DENND1B: variants seen among roughly 807,000 people sequenced by gnomAD.
DENND1B encodes the protein DENN domain containing 1B.
In DENND1B, 59 loss-of-function variants were observed where a neutral mutation model predicts 90.1. The observed-to-expected ratio is 0.65, with a 90% CI of 0.53 to 0.81. The LOEUF (loss-of-function observed/expected upper bound fraction) is 0.81, where lower values mean the gene tolerates loss of function less well. Among genes scored for constraint, DENND1B ranks in the 40% least tolerant of loss-of-function variants. The pLI is 0.00. For synonymous variants in DENND1B, 337 were observed against 324.6 expected (o/e 1.04, Z -0.41); for missense variants, 862 against 912.6 (o/e 0.94, Z 0.71).
At chr1:197,610,673 C>A (rs771974382) in intron 12 of DENND1B, among the ~76,000 whole-genome samples, 11 of 150,664 alleles carry the variant, frequency 7.3e-5, no homozygotes, top group Non-Finnish European at 1.5e-4. Flanking sequence ...AAATGCTAGT[C>A]ATATATTCCA....
chr1:197,583,321 T>C (rs986688218), intron 14 of DENND1B, 68 bp from the exon 15 acceptor site: 6 of 1,440,122 alleles, frequency 4.2e-6, no homozygotes, highest in African/African-American at 2.8e-5. Flanking sequence ...TCTCTTTAAA[T>C]AGGTATGTGA....
chr1:197,642,913 A>C, intron 9 of DENND1B, 92 bp from the exon 10 acceptor site: 1 of 770,532 alleles, frequency 1.3e-6, no homozygotes, highest in South Asian at 1.8e-5. Context: ...CTTGAAGTTC[A>C]AAGGGTATTA....
chr1:197,759,414 T>C (rs2102450648), intron 2 of DENND1B, among the ~76,000 whole-genome samples: 1 of 149,570 alleles, frequency 6.7e-6, no homozygotes, highest in Non-Finnish European at 1.5e-5. Context: ...ATATTAAATA[T>C]ATAATAAATG....
chr1:197,612,887 C>A (rs1677304354), intron 11 of DENND1B, among the ~76,000 whole-genome samples: 1 of 150,508 alleles, frequency 6.6e-6, no homozygotes, highest in Non-Finnish European at 1.5e-5. Context: ...TCACGAAATA[C>A]AAGAAGAAAA....
intron 10 of DENND1B, among the ~76,000 whole-genome samples, chr1:197,640,724 C>T (rs927830202): frequency 5.9e-5 from 9 of 152,248 alleles, no homozygotes; most frequent in Middle Eastern, 3.4e-3. Context: ...AAAACATATA[C>T]TCAGATTTAT....
intron 2 of DENND1B, among the ~76,000 whole-genome samples, chr1:197,752,849 T>C (rs955559924): frequency 3.3e-5 from 5 of 152,006 alleles, no homozygotes; most frequent in Admixed American, 1.3e-4. Flanking sequence ...AGTGTTCTCA[T>C]TGTTCAGTTC....
chr1:197,607,057 T>C lies in DENND1B; in HGVS notation c.921+16A>G, dbSNP rs756820094. On this transcript the variant is annotated intron_variant, in intron 13 of 22. Coordinates refer to ENST00000620048, the MANE Select transcript of DENND1B (RefSeq NM_001195215.2). ...GAAAACATATATGTTCACCACTGAA[T>C]AGCCTTCATACTTACCACATCACTT... The C allele has an allele frequency of 1.1e-5, 18 of 1,572,874 alleles. No homozygotes were observed. Among genetic ancestry groups the C allele is most frequent in the African/African-American group, 2.7e-5 (2 of 73,646 alleles).
chr1:197,562,568 A>G (rs577391524), intron 15 of DENND1B, among the ~76,000 whole-genome samples: 39 of 152,046 alleles, frequency 2.6e-4, no homozygotes, highest in Non-Finnish European at 4.7e-4. Context: ...CCACCCCCAC[A>G]TAAGTCAGCA....
chr1:197,634,682 C>T (rs1679617831), intron 10 of DENND1B, among the ~76,000 whole-genome samples: 1 of 152,142 alleles, frequency 6.6e-6, no homozygotes, highest in Non-Finnish European at 1.5e-5. Flanking sequence ...TTAAAGACAA[C>T]ACCTACACAG....
chr1:197,765,360 T>C (rs549649333), intron 2 of DENND1B, among the ~76,000 whole-genome samples: 20 of 152,358 alleles, frequency 1.3e-4, no homozygotes, highest in Middle Eastern at 6.8e-3. Context: ...AGCTCAAATG[T>C]GATATTCTCA....
Position 197,510,781 on chromosome 1 carries a change from G to C in DENND1B, c.2007C>G (p.Asn669Lys). The change falls in exon 23 of 23, where the codon AAC becomes AAG. Residue 669 changes from asparagine (N) to lysine (K), a missense_variant. Coordinates refer to ENST00000620048, the MANE Select transcript of DENND1B (RefSeq NM_001195215.2). ...SLFILKEENS[N>K]KHLGADNVSD... Reference sequence around the variant, plus strand: ...TCACATTGTCAGCACCGAGGTGCTTGTTACTGTTTTCCTCTTTCAGGATAA... The same window carrying C: ...TCACATTGTCAGCACCGAGGTGCTTCTTACTGTTTTCCTCTTTCAGGATAA... 1 of 1,612,424 alleles carries C rather than the reference G, an allele frequency of 6.2e-7. No individual in the cohort carries two copies. Among genetic ancestry groups the C allele is most frequent in the Non-Finnish European group, 8.5e-7 (1 of 1,179,086 alleles).
chr1:197,720,685 G>A (rs769805879), intron 2 of DENND1B, among the ~76,000 whole-genome samples: 2 of 151,994 alleles, frequency 1.3e-5, no homozygotes, highest in South Asian at 2.1e-4. Flanking sequence ...CACAGACTCC[G>A]GCAAAACACA....
chr1:197,594,524 C>T (rs1295970666), intron 14 of DENND1B, among the ~76,000 whole-genome samples: 1 of 152,152 alleles, frequency 6.6e-6, no homozygotes, highest in African/African-American at 2.4e-5. Flanking sequence ...AACTTATTCA[C>T]CCAGTGAAGG....
rs1052460505 is a variant in DENND1B, at chr1:197,538,987, C to G, written c.1515+977G>C. Among the ~76,000 whole-genome samples the G allele has an allele frequency of 3.3e-5, 5 of 152,210 alleles. No individual in the cohort carries two copies. The South Asian group carries it at 8.3e-4, about 25-fold the overall frequency. On this transcript the variant is annotated intron_variant, in intron 20 of 22. Coordinates refer to ENST00000620048, the MANE Select transcript of DENND1B (RefSeq NM_001195215.2). ...TGCCAGTGCCTTGATCTTGGACTTTCCAGCCTCCCGAACTGTGAGAAATAA... is the reference window on the plus strand; with the variant it reads ...TGCCAGTGCCTTGATCTTGGACTTTGCAGCCTCCCGAACTGTGAGAAATAA...
intron 2 of DENND1B, among the ~76,000 whole-genome samples, chr1:197,732,666 A>G (rs1046068502): frequency 6.6e-5 from 10 of 152,208 alleles, no homozygotes; most frequent in Non-Finnish European, 1.3e-4. Flanking sequence ...CCAAGCAAGA[A>G]GCCCAAGTGC....
At chr1:197,560,502 G>A (rs1177880539) in intron 15 of DENND1B, among the ~76,000 whole-genome samples, 1 of 151,862 alleles carries the variant, frequency 6.6e-6, no homozygotes, top group Admixed American at 6.6e-5. Context: ...TAAATAGTGT[G>A]GTCAGGGTAG....
At chr1:197,678,302 A>G (rs1656299477) in intron 3 of DENND1B, among the ~76,000 whole-genome samples, 1 of 152,192 alleles carries the variant, frequency 6.6e-6, no homozygotes, top group Non-Finnish European at 1.5e-5. Context: ...AGTTCTCAAT[A>G]AAAATATTAC....
intron 12 of DENND1B, among the ~76,000 whole-genome samples, chr1:197,609,619 G>C (rs958977572): frequency 2.0e-5 from 3 of 150,206 alleles, no homozygotes; most frequent in Non-Finnish European, 4.5e-5. Flanking sequence ...GATGTTAAGG[G>C]ATATGAATTT....
chr1:197,644,006 A>C (rs958597968), intron 9 of DENND1B, among the ~76,000 whole-genome samples: 7 of 152,314 alleles, frequency 4.6e-5, no homozygotes, highest in Non-Finnish European at 1.0e-4. Flanking sequence ...TACTTCTTCA[A>C]TTTCCGGAAG....
Sources: allele counts gnomAD v4.1 joint callset (sites outside exome capture counted in the v4.1 genomes callset), GRCh38; gene constraint gnomAD v4.1.1; transcripts MANE v1.5; gene names NCBI Gene and HGNC (gene_info 2026-07-23, HGNC 2026-07-21).